Variants in EYS observed in about 807,000 individuals in gnomAD.
EYS encodes the protein EGF-like photoreceptor maintenance factor, also known as protein eyes shut homolog.
In EYS, 250 loss-of-function variants were observed where a neutral mutation model predicts 282.1. The ratio of observed to expected loss-of-function variants is 0.89; its 90% CI spans 0.80 to 0.98. The LOEUF (loss-of-function observed/expected upper bound fraction) is 0.98. Among genes scored for constraint, EYS ranks in the 50% least tolerant of loss-of-function variants. The pLI is 0.00. For missense variants in EYS, 4,016 were observed against 3,709.0 expected (o/e 1.08, Z -2.15); for synonymous variants, 1,355 against 1,282.9 (o/e 1.06, Z -1.20).
chr6:64,345,740 A>G (rs1771359968), intron 29 of EYS, among the ~76,000 whole-genome samples: 2 of 152,276 alleles, frequency 1.3e-5, no homozygotes, highest in South Asian at 4.1e-4. Flanking sequence ...ACAGCAACAG[A>G]AACTACCATC....
chr6:65,116,317 C>G (rs374234094), intron 12 of EYS, among the ~76,000 whole-genome samples: 1 of 152,080 alleles, frequency 6.6e-6, no homozygotes, highest in Non-Finnish European at 1.5e-5. Context: ...ACATTCTTCA[C>G]GTCTAATTAA....
At chr6:65,224,270 T>C (rs914393243) in intron 12 of EYS, among the ~76,000 whole-genome samples, 3 of 152,078 alleles carry the variant, frequency 2.0e-5, no homozygotes, top group East Asian at 3.9e-4. Context: ...AAAGTAGAGT[T>C]CATAAATATG....
chr6:64,207,314 G>A (rs532183515), intron 31 of EYS, among the ~76,000 whole-genome samples: 2 of 151,982 alleles, frequency 1.3e-5, no homozygotes, highest in South Asian at 4.2e-4. Flanking sequence ...GTAACACAAA[G>A]GCCCTCAACA....
At chr6:64,896,683 C>A (rs1394551055) in intron 18 of EYS, among the ~76,000 whole-genome samples, 3 of 152,080 alleles carry the variant, frequency 2.0e-5, no homozygotes, top group Non-Finnish European at 2.9e-5. Flanking sequence ...CAGAGCCCAG[C>A]AACCTAAGAT....
At chr6:64,216,406 T>A (rs534769300) in intron 31 of EYS, among the ~76,000 whole-genome samples, 6 of 152,200 alleles carry the variant, frequency 3.9e-5, no homozygotes, top group Non-Finnish European at 8.8e-5. Flanking sequence ...TGATTGTGAG[T>A]GATGTCAGAG....
intron 12 of EYS, among the ~76,000 whole-genome samples, chr6:65,099,227 A>G (rs1774823560): frequency 6.6e-6 from 1 of 150,742 alleles, no homozygotes; most frequent in South Asian, 2.1e-4. Context: ...CTTTATGAAT[A>G]TACAATAAAT....
At chr6:65,525,307 G>A (rs1767516065) in intron 2 of EYS, among the ~76,000 whole-genome samples, 1 of 152,034 alleles carries the variant, frequency 6.6e-6, no homozygotes, top group South Asian at 2.1e-4. Flanking sequence ...AGAGGTCACT[G>A]TTTACCAAGC....
intron 31 of EYS, among the ~76,000 whole-genome samples, chr6:64,208,157 C>T (rs1172435250): frequency 6.6e-6 from 1 of 152,180 alleles, no homozygotes; most frequent in Non-Finnish European, 1.5e-5. Context: ...GCAGCATTAT[C>T]GTTCATGTGT....
At chr6:65,566,297 C>T (rs1013125872) in intron 2 of EYS, among the ~76,000 whole-genome samples, 21 of 151,870 alleles carry the variant, frequency 1.4e-4, no homozygotes, top group Non-Finnish European at 1.0e-4. Flanking sequence ...CACCAAGTGG[C>T]GCACTCAGCT....
chr6:63,763,003 C>T (rs1397427210), intron 40 of EYS, among the ~76,000 whole-genome samples: 1 of 152,016 alleles, frequency 6.6e-6, no homozygotes, highest in African/African-American at 2.4e-5. Context: ...TCAGCAGGAC[C>T]ACTTGGAGAG....
chr6:64,014,500 C>A (rs1768795306), intron 33 of EYS, among the ~76,000 whole-genome samples: 1 of 152,054 alleles, frequency 6.6e-6, no homozygotes, highest in Non-Finnish European at 1.5e-5. Context: ...GATATTTATA[C>A]TGTATTATGT....
chr6:64,744,545 G>C (rs1772489222), intron 22 of EYS, among the ~76,000 whole-genome samples: 1 of 152,096 alleles, frequency 6.6e-6, no homozygotes, highest in Non-Finnish European at 1.5e-5. Context: ...ATTTACGGAA[G>C]TAGACTAAAA....
intron 39 of EYS, among the ~76,000 whole-genome samples, chr6:63,781,540 G>A (rs1235427519): frequency 6.6e-6 from 1 of 151,820 alleles, no homozygotes; most frequent in Non-Finnish European, 1.5e-5. Flanking sequence ...TCATGATTTG[G>A]CTCTCTGTTT....
chr6:64,349,326 G>A (rs1344408204), intron 29 of EYS, among the ~76,000 whole-genome samples: 1 of 151,026 alleles, frequency 6.6e-6, no homozygotes, highest in Non-Finnish European at 1.5e-5. Flanking sequence ...AGAGATATAA[G>A]CTCTGAGTAA....
intron 31 of EYS, among the ~76,000 whole-genome samples, chr6:64,155,653 A>G (rs1774891919): frequency 6.6e-6 from 1 of 152,180 alleles, no homozygotes; most frequent in South Asian, 2.1e-4. Flanking sequence ...CCTCATTGCT[A>G]TGCAGAAAAA....
chr6:64,096,212 A>G (rs1352844493), intron 31 of EYS, among the ~76,000 whole-genome samples: 1 of 152,154 alleles, frequency 6.6e-6, no homozygotes, highest in Non-Finnish European at 1.5e-5. Context: ...ACTTTGTTGA[A>G]TCTGACAATT....
At chr6:63,760,206 T>A (rs11755458) in intron 41 of EYS, among the ~76,000 whole-genome samples, 15,944 of 152,060 alleles carry the variant, frequency 0.1, 928 homozygotes, top group East Asian at 0.16. Flanking sequence ...ATTTAGTATT[T>A]AAACTAGTCC....
chr6:63,790,199 C>CA (rs1343603265), intron 37 of EYS, among the ~76,000 whole-genome samples: 6 of 152,152 alleles, frequency 3.9e-5, no homozygotes, highest in African/African-American at 1.2e-4. Flanking sequence ...TGAGTATGCA[C>CA]AGCCTCCTCC....
intron 31 of EYS, among the ~76,000 whole-genome samples, chr6:64,199,040 C>T (rs989398695): frequency 6.6e-6 from 1 of 152,150 alleles, no homozygotes; most frequent in Non-Finnish European, 1.5e-5. Flanking sequence ...GAGATGGTTA[C>T]TTCATTATGC....
Sources: gnomAD v4.1 joint callset for allele counts (sites outside exome capture counted in the v4.1 genomes callset) on GRCh38, gnomAD v4.1.1 for gene constraint, MANE v1.5 for transcripts, NCBI Gene and HGNC (gene_info 2026-07-23, HGNC 2026-07-21) for gene names.